The following WNT2B variants were observed in gnomAD, a reference collection of about 807,000 sequenced individuals.
WNT2B encodes the protein protein Wnt-2b.
A neutral mutation model predicts 40.5 loss-of-function variants in WNT2B; 19 were observed. The ratio of observed to expected loss-of-function variants is 0.47; its 90% CI spans 0.33 to 0.69. The LOEUF (loss-of-function observed/expected upper bound fraction) is 0.69. WNT2B is among the 30% of genes least tolerant of loss of function. WNT2B has a pLI of 0.02. For synonymous variants in WNT2B, 220 were observed against 211.9 expected (o/e 1.04, Z -0.33); for missense variants, 467 against 556.4 (o/e 0.84, Z 1.62).
chr1:112,508,984 C>T lies in WNT2B; in HGVS notation c.-279C>T, dbSNP rs1652232528. ...CTGTCCGCACACTAGGCCCGCAGCTCCCTTCAGCGCCGCAGACCCCCTGAC... is the reference window on the plus strand; with the variant it reads ...CTGTCCGCACACTAGGCCCGCAGCTTCCTTCAGCGCCGCAGACCCCCTGAC... On this transcript the variant is annotated 5_prime_UTR_variant, in exon 1 of 5. Coordinates refer to ENST00000369684, the MANE Select transcript of WNT2B (RefSeq NM_024494.3). The surrounding 1 kb of genome is among the most constrained non-coding windows in gnomAD (Gnocchi z 4.2). 3.1e-6 allele frequency: 4 copies of T among 1,289,716 alleles called. No individual in the cohort carries two copies. Among genetic ancestry groups the T allele is most frequent in the African/African-American group, 1.6e-5 (1 of 64,058 alleles). 79.9% of individuals were successfully genotyped at this position (1,289,716 alleles called of 1,614,324 possible). A position where few individuals can be genotyped will look rare whatever the true frequency, so the allele number is the denominator to read the frequency against.
At chr1:112,514,470 C>T (rs1194050670) in intron 1 of WNT2B, among the ~76,000 whole-genome samples, 1 of 152,170 alleles carries the variant, frequency 6.6e-6, no homozygotes, top group Non-Finnish European at 1.5e-5. Flanking sequence ...TTAATGGGAG[C>T]ATAAGAGTGT....
chr1:112,470,481 T>G (rs559549374), intron 1 of WNT2B, among the ~76,000 whole-genome samples: 36 of 152,160 alleles, frequency 2.4e-4, no homozygotes, highest in African/African-American at 6.7e-4. Flanking sequence ...CCCAGCTACT[T>G]GGCAGGCTGA....
intron 1 of WNT2B, among the ~76,000 whole-genome samples, chr1:112,473,026 GGA>G (rs1650931512): frequency 7.7e-6 from 1 of 130,008 alleles, no homozygotes; most frequent in African/African-American, 3.0e-5. Context: ...AGAGAGGGAA[GGA>G]GGGAGAAAGG....
chr1:112,467,910 T>A (rs920160400), intron 1 of WNT2B, among the ~76,000 whole-genome samples: 6 of 152,234 alleles, frequency 3.9e-5, no homozygotes, highest in Admixed American at 1.3e-4. Context: ...TTATTTCTTC[T>A]ATCTAACTGT....
rs147639761 is a variant in WNT2B, at chr1:112,497,798, A to G, written c.-94-17076A>G. Among the ~76,000 whole-genome samples, 467 of 152,134 alleles carry G rather than the reference A, an allele frequency of 3.1e-3. 1 individual carries two copies. The highest frequency in any genetic ancestry group is 0.011 in the African/African-American group (439 of 41,502). On this transcript the variant is annotated intron_variant, in intron 1 of 4. Coordinates refer to the WNT2B transcript ENST00000256640. The stretch of plus-strand genomic sequence containing the variant: ...CTTCTCTTTTTTATTAAGAAATTCC[A>G]TCTTAAAATCGTTTCTCTGCTTGCA...
chr1:112,511,390 C>T (rs1343657234), intron 1 of WNT2B, among the ~76,000 whole-genome samples: 2 of 152,146 alleles, frequency 1.3e-5, no homozygotes, highest in Non-Finnish European at 2.9e-5. Context: ...GGCCCAGATG[C>T]CTGCCTCAGT....
At chr1:112,517,086 C>G in intron 3 of WNT2B, 35 bp from the exon 4 acceptor site, 1 of 1,595,264 alleles carries the variant, frequency 6.3e-7, no homozygotes, top group Non-Finnish European at 8.6e-7. Context: ...TCCTGACCAG[C>G]TACTTCTCCC....
At chr1:112,485,460 CAA>C (rs55872721) in intron 1 of WNT2B, among the ~76,000 whole-genome samples, 9,161 of 129,056 alleles carry the variant, frequency 0.071, 277 homozygotes, top group Middle Eastern at 0.096. Context: ...GACTCTGTCT[CAA>C]AAAAAAAAAA....
intron 1 of WNT2B, among the ~76,000 whole-genome samples, chr1:112,475,293 G>T (rs545910304): frequency 6.6e-6 from 1 of 152,248 alleles, no homozygotes; most frequent in Middle Eastern, 3.4e-3. Flanking sequence ...TTCCTCATCA[G>T]CAGAACTGCA....
Position 112,499,578 on chromosome 1 carries a change from TACA to T in WNT2B, c.-94-15291_-94-15289del, listed in dbSNP as rs1570780969. Among the ~76,000 whole-genome samples the T allele has an allele frequency of 2.6e-5, 4 of 152,270 alleles. No individual in the cohort carries two copies. The East Asian group carries it at 5.8e-4, about 22-fold the overall frequency. ...CATATCAATAAATGCAGAAAAAGCATACAACAAAACCCCACACCCATTCATTAA... is the reference window on the plus strand; with the variant it reads ...CATATCAATAAATGCAGAAAAAGCATACAAAACCCCACACCCATTCATTAA... On this transcript the variant is annotated intron_variant, in intron 1 of 4. Coordinates refer to the WNT2B transcript ENST00000256640.
intron 1 of WNT2B, among the ~76,000 whole-genome samples, chr1:112,497,295 G>A (rs1651807691): frequency 1.3e-5 from 2 of 152,190 alleles, no homozygotes; most frequent in Non-Finnish European, 2.9e-5. Flanking sequence ...GTCTTTGCCC[G>A]GGCCCTGAGG....
intron 3 of WNT2B, among the ~76,000 whole-genome samples, chr1:112,516,762 T>C (rs1652567793): frequency 6.6e-6 from 1 of 152,208 alleles, no homozygotes; most frequent in African/African-American, 2.4e-5. Flanking sequence ...CCTAGTACTA[T>C]GCTGGAAAAT....
At position 112,527,020 on chromosome 1, in the gene WNT2B, C is replaced by G. The variant is rs988535972; in HGVS notation, c.*6511C>G. ...AGATTTTCACTTGATCAAACACTTG[C>G]TGCTCTCAACCCCTCTTTGTTTTCC... On this transcript the variant is annotated 3_prime_UTR_variant, in exon 5 of 5. Transcript: ENST00000369684. 2.6e-5 allele frequency: 4 copies of G among 152,242 alleles called. No individual in the cohort carries two copies. Among genetic ancestry groups the G allele is most frequent in the Admixed American group, 2.6e-4 (4 of 15,284 alleles). 9.4% of individuals were successfully genotyped at this position (152,242 alleles called of 1,614,324 possible).
rs1653157391 is a variant in WNT2B, at chr1:112,524,797, ACTT to A, written c.*4291_*4293del. The A allele has an allele frequency of 6.6e-6, 1 of 152,012 alleles. No individual in the cohort carries two copies. Among genetic ancestry groups the A allele is most frequent in the African/African-American group, 2.4e-5 (1 of 41,344 alleles). 9.4% of individuals were successfully genotyped at this position (152,012 alleles called of 1,614,324 possible). A position where few individuals can be genotyped will look rare whatever the true frequency, so the allele number is the denominator to read the frequency against. On this transcript the variant is annotated 3_prime_UTR_variant, in exon 5 of 5. Coordinates refer to ENST00000369684, the MANE Select transcript of WNT2B (RefSeq NM_024494.3). The stretch of plus-strand genomic sequence containing the variant: ...GTGTACATATACAGACACATAGAGA[ACTT>A]CTCTCAGGCTGCATAGGAGTTCTGC...
chr1:112,525,944 C>G lies in WNT2B; in HGVS notation c.*5435C>G. 1 of 1,600,722 alleles carries G rather than the reference C, an allele frequency of 6.2e-7. No homozygotes were observed. The highest frequency in any genetic ancestry group is 8.5e-7 in the Non-Finnish European group (1 of 1,170,750). ...CAACAACCCTGTGAGGTAGGGGTTACTGTCACTTTACAGATGCTGTTCAGA... is the reference window on the plus strand; with the variant it reads ...CAACAACCCTGTGAGGTAGGGGTTAGTGTCACTTTACAGATGCTGTTCAGA... On this transcript the variant is annotated 3_prime_UTR_variant, in exon 5 of 5. Coordinates refer to ENST00000369684, the MANE Select transcript of WNT2B (RefSeq NM_024494.3).
chr1:112,476,329 TAAA>T (rs1253995429), intron 1 of WNT2B, among the ~76,000 whole-genome samples: 1 of 152,038 alleles, frequency 6.6e-6, no homozygotes, highest in African/African-American at 2.4e-5. Context: ...ATGCCTATAT[TAAA>T]AAAGAAGAAA....
In WNT2B at chr1:112,509,481, T is replaced by C; in HGVS notation, c.182+37T>C. ...TCTCAGGCTGGGCGGGTGAGGCGCT[T>C]GGTAGGAGAGGCCGGAGGCGCCTGG... On this transcript the variant is annotated intron_variant, in intron 1 of 4. Transcript: ENST00000369684. This position sits in a 1 kb window ranked among gnomAD's most constrained non-coding sequence, Gnocchi z 4.2. The C allele has an allele frequency of 6.5e-7, 1 of 1,533,240 alleles. No individual in the cohort carries two copies. The highest frequency in any genetic ancestry group is 8.6e-7 in the Non-Finnish European group (1 of 1,156,932). The allele number at this position is 1,533,240 out of a possible 1,614,324, so 95.0% of individuals were successfully genotyped here. A position where few individuals can be genotyped will look rare whatever the true frequency, so the allele number is the denominator to read the frequency against.
intron 1 of WNT2B, among the ~76,000 whole-genome samples, chr1:112,475,381 A>C (rs1415921154): frequency 1.3e-5 from 2 of 152,230 alleles, no homozygotes; most frequent in African/African-American, 4.8e-5. Flanking sequence ...AGGAATGATG[A>C]GCATCAAAAA....
chr1:112,498,435 A>G (rs1213448087), intron 1 of WNT2B, among the ~76,000 whole-genome samples: 1 of 151,714 alleles, frequency 6.6e-6, no homozygotes, highest in Non-Finnish European at 1.5e-5. Flanking sequence ...GGGTTTCACC[A>G]TGTTGGCCAG....
Sources: allele counts gnomAD v4.1 joint callset (sites outside exome capture counted in the v4.1 genomes callset), GRCh38; gene constraint gnomAD v4.1.1; non-coding constraint Gnocchi (gnomAD v3.1); transcripts MANE v1.5; gene names NCBI Gene and HGNC (gene_info 2026-07-23, HGNC 2026-07-21).